ZNF423: variants seen among roughly 807,000 people sequenced by gnomAD.
The protein encoded by ZNF423 is Ebf-associated zinc finger protein.
Under a neutral mutation model 95.8 loss-of-function variants are expected in ZNF423, and 12 were observed. That is an observed-to-expected ratio of 0.13 (90% CI 0.08 to 0.20). The LOEUF (loss-of-function observed/expected upper bound fraction) is 0.20, where lower values mean the gene tolerates loss of function less well. Ranked by LOEUF, ZNF423 falls within the 10% of genes least tolerant of loss-of-function variation. The probability of loss-of-function intolerance (pLI) is 1.00; values close to 1 mark genes in which losing one functional copy is unlikely to be tolerated. For missense variants in ZNF423, 1,316 were observed against 1,737.1 expected (o/e 0.76, Z 4.31); for synonymous variants, 749 against 711.9 (o/e 1.05, Z -0.83).
intron 1 of ZNF423, among the ~76,000 whole-genome samples, chr16:49,842,526 C>A (rs891812121): frequency 6.6e-6 from 1 of 151,962 alleles, no homozygotes; most frequent in East Asian, 1.9e-4. Flanking sequence ...GTGGAAGGAT[C>A]ACTTGAGCCC....
intron 7 of ZNF423, among the ~76,000 whole-genome samples, chr16:49,491,813 G>C (rs990135406): frequency 6.6e-6 from 1 of 152,164 alleles, no homozygotes; most frequent in Non-Finnish European, 1.5e-5. Context: ...AGAAACACCC[G>C]AGCGGGCACA....
chr16:49,688,581 A>G (rs1567291416), intron 3 of ZNF423, among the ~76,000 whole-genome samples: 1 of 152,228 alleles, frequency 6.6e-6, no homozygotes, highest in Non-Finnish European at 1.5e-5. Context: ...ATATTTTATC[A>G]AGGAAGAAAT....
At chr16:49,724,516 A>G (rs548120070) in intron 3 of ZNF423, among the ~76,000 whole-genome samples, 40 of 152,304 alleles carry the variant, frequency 2.6e-4, no homozygotes, top group African/African-American at 8.9e-4. Flanking sequence ...ACCAAAACAG[A>G]GCCAGTTCGA....
chr16:49,846,299 CAAAAAAA>C (rs11338195), intron 1 of ZNF423, among the ~76,000 whole-genome samples: 1,276 of 76,396 alleles, frequency 0.017, 14 homozygotes, highest in Non-Finnish European at 0.021. Flanking sequence ...GACTCTGTCT[CAAAAAAA>C]AAAAAAAAAA....
intron 1 of ZNF423, among the ~76,000 whole-genome samples, chr16:49,841,244 A>G (rs1207914667): frequency 1.3e-5 from 2 of 152,180 alleles, no homozygotes; most frequent in Non-Finnish European, 2.9e-5. Context: ...CGAAGGCAGG[A>G]CAGTGGCAGC....
intron 7 of ZNF423, among the ~76,000 whole-genome samples, chr16:49,497,395 A>C (rs1184470073): frequency 6.6e-6 from 1 of 152,170 alleles, no homozygotes. Flanking sequence ...GGCCAAACTC[A>C]TAGACCCTGA....
intron 7 of ZNF423, among the ~76,000 whole-genome samples, chr16:49,496,484 G>A (rs1967171685): frequency 6.6e-6 from 1 of 152,140 alleles, no homozygotes; most frequent in Non-Finnish European, 1.5e-5. Flanking sequence ...CCATGTGACG[G>A]ACTAGCTCCC....
chr16:49,689,582 T>C (rs1390253373), intron 3 of ZNF423, among the ~76,000 whole-genome samples: 3 of 152,028 alleles, frequency 2.0e-5, no homozygotes, highest in African/African-American at 4.8e-5. Flanking sequence ...TGTCACAGTG[T>C]CTGTGACGGA....
Position 49,603,796 on chromosome 16 carries a change from A to G in ZNF423, c.3601+22374T>C, listed in dbSNP as rs1244793478. 6.6e-6 allele frequency among the ~76,000 whole-genome samples: 1 copy of G among 152,190 alleles called. No individual in the cohort carries two copies. Among genetic ancestry groups the G allele is most frequent in the Non-Finnish European group, 1.5e-5 (1 of 68,032 alleles). On this transcript the variant is annotated intron_variant, in intron 5 of 7. Transcript: ENST00000563137. This position sits in a 1 kb window ranked among gnomAD's most constrained non-coding sequence, Gnocchi z 4.1. ...AAATTATTCAGCTGATCTTTCCTCC[A>G]TGTCTGAGAGCACCAGAGCCATGCC...
chr16:49,638,004 G>A lies in ZNF423; in HGVS notation c.1172C>T (p.Thr391Ile). The A allele has an allele frequency of 1.9e-6, 3 of 1,614,098 alleles. No individual in the cohort carries two copies. The highest frequency in any genetic ancestry group is 2.5e-6 in the Non-Finnish European group (3 of 1,180,038). ...DSSASVERGS[T>I]PDSTLKPLRG... The stretch of plus-strand genomic sequence containing the variant: ...CAGCGGCTTCAAGGTGGAGTCCGGG[G>A]TGGAGCCACGCTCCACAGAGGCGCT... Residue 391 changes from threonine to isoleucine, a missense_variant, in exon 4 of 8, where the codon ACC (threonine) becomes ATC (isoleucine). By Grantham distance (89) the Thr-to-Ile change is moderately conservative. This residue lies in a region of ZNF423 where 399 missense variants were observed against 478.5 expected (regional missense o/e 0.83). Transcript: ENST00000563137. The surrounding 1 kb of genome is among the most constrained non-coding windows in gnomAD (Gnocchi z 5.6).
chr16:49,564,271 C>T (rs1970112374), intron 5 of ZNF423, among the ~76,000 whole-genome samples: 1 of 152,148 alleles, frequency 6.6e-6, no homozygotes, highest in South Asian at 2.1e-4. Context: ...ACTCACCTGA[C>T]CCTTAAAACA....
intron 3 of ZNF423, among the ~76,000 whole-genome samples, chr16:49,712,734 T>C (rs931363714): frequency 2.6e-5 from 4 of 152,260 alleles, no homozygotes; most frequent in Non-Finnish European, 5.9e-5. Context: ...TCCCTTGTCT[T>C]ATCCTCTGGG....
At chr16:49,629,311 A>G (rs1359871786) in intron 4 of ZNF423, among the ~76,000 whole-genome samples, 3 of 152,182 alleles carry the variant, frequency 2.0e-5, no homozygotes, top group Non-Finnish European at 4.4e-5. Flanking sequence ...TTTTGATTGA[A>G]ATTTCAACTC....
At chr16:49,566,121 C>T (rs991252938) in intron 5 of ZNF423, among the ~76,000 whole-genome samples, 1 of 152,160 alleles carries the variant, frequency 6.6e-6, no homozygotes, top group African/African-American at 2.4e-5. Context: ...AAGTTGACTC[C>T]TTACCCCCAG....
intron 1 of ZNF423, among the ~76,000 whole-genome samples, chr16:49,846,299 C>CAAAA (rs11338195): frequency 5.2e-5 from 4 of 76,358 alleles, no homozygotes; most frequent in Non-Finnish European, 7.4e-5. Context: ...GACTCTGTCT[C>CAAAA]AAAAAAAAAA....
intron 1 of ZNF423, among the ~76,000 whole-genome samples, chr16:49,806,263 G>A (rs915266607): frequency 8.5e-5 from 13 of 152,314 alleles, no homozygotes; most frequent in East Asian, 1.9e-4. Context: ...CCACACAACC[G>A]CCAGATGAAA....
chr16:49,854,121 T>A, intron 1 of ZNF423: 1 of 985,344 alleles, frequency 1.0e-6, no homozygotes, highest in Non-Finnish European at 1.2e-6. Context: ...GTCTCTCTTC[T>A]GGTTTCCCTG....
At chr16:49,802,115 T>C (rs564600496) in intron 1 of ZNF423, among the ~76,000 whole-genome samples, 2 of 152,326 alleles carry the variant, frequency 1.3e-5, no homozygotes, top group African/African-American at 4.8e-5. Context: ...CCCAAAGTGC[T>C]GGGATTACAG....
rs1025500741 is a variant in ZNF423 at position 49,814,579 on chromosome 16, G to A, written c.41-25033C>T. Among the ~76,000 whole-genome samples the A allele has an allele frequency of 7.2e-5, 11 of 151,944 alleles. 1 individual carries two copies. Among genetic ancestry groups the A allele is most frequent in the Non-Finnish European group, 1.3e-4 (9 of 67,980 alleles). On this transcript the variant is annotated intron_variant, in intron 1 of 7. Coordinates refer to ENST00000563137, the MANE Select transcript of ZNF423 (RefSeq NM_001379286.1). ...CAACTGAGGCTCAGACAGGAAACAC[G>A]CTTGTTCCTGAGAAGTACAAAATTA...
Sources: gnomAD v4.1 joint callset for allele counts (sites outside exome capture counted in the v4.1 genomes callset) on GRCh38, gnomAD v4.1.1 for gene constraint, gnomAD v4.1.1 regional missense constraint, Gnocchi (gnomAD v3.1) non-coding constraint, MANE v1.5 for transcripts, NCBI Gene and HGNC (gene_info 2026-07-23, HGNC 2026-07-21) for gene names.